IPO8: variants seen among roughly 807,000 people sequenced by gnomAD.
IPO8 encodes the protein importin-8.
Under a neutral mutation model 141.2 loss-of-function variants are expected in IPO8, and 65 were observed. That is an observed-to-expected ratio of 0.46 (90% CI 0.38 to 0.57). The LOEUF (loss-of-function observed/expected upper bound fraction) is 0.57. Ranked by LOEUF, IPO8 falls within the 20% of genes least tolerant of loss-of-function variation. IPO8 has a pLI of 0.00. For missense variants in IPO8, 980 were observed against 1,246.8 expected (o/e 0.79, Z 3.22); for synonymous variants, 411 against 420.3 (o/e 0.98, Z 0.27).
At chr12:30,669,068 G>T in intron 10 of IPO8, 115 bp downstream of exon 10, 1 of 509,060 alleles carries the variant, frequency 2.0e-6, no homozygotes, top group Non-Finnish European at 3.4e-6. Flanking sequence ...ATTATGTCAT[G>T]CAAAACAGAA....
chr12:30,673,491 G>T (rs942875028), intron 8 of IPO8, among the ~76,000 whole-genome samples: 1 of 152,084 alleles, frequency 6.6e-6, no homozygotes. Flanking sequence ...ATTGTTTCAG[G>T]AACTAATTTT....
At chr12:30,676,755 G>T in intron 5 of IPO8, 168 bp from the exon 6 acceptor site, 1 of 768,346 alleles carries the variant, frequency 1.3e-6, no homozygotes, top group East Asian at 2.7e-5. Context: ...CGACCATATA[G>T]AACTTAAATT....
chr12:30,682,279 C>A (rs1312256012), intron 3 of IPO8, among the ~76,000 whole-genome samples: 1 of 152,094 alleles, frequency 6.6e-6, no homozygotes, highest in East Asian at 1.9e-4. Context: ...TCTCTATGGG[C>A]CAAAACCTTG....
At chr12:30,642,817 C>T (rs1045821035) in intron 20 of IPO8, among the ~76,000 whole-genome samples, 7 of 151,952 alleles carry the variant, frequency 4.6e-5, no homozygotes, top group Admixed American at 4.6e-4. Context: ...AGCAAGGAAA[C>T]TACCAAAGAC....
chr12:30,651,378 A>C (rs531051789), intron 19 of IPO8, among the ~76,000 whole-genome samples: 1 of 152,250 alleles, frequency 6.6e-6, no homozygotes, highest in East Asian at 1.9e-4. Flanking sequence ...ACTGATTATC[A>C]GTGCAGAGCT....
In IPO8 at chr12:30,637,433, A is replaced by G. The variant is rs186367386; in HGVS notation, c.2490-246T>C. Among the ~76,000 whole-genome samples the G allele has an allele frequency of 1.4e-4, 22 of 152,314 alleles. No individual in the cohort carries two copies. The East Asian group carries it at 3.7e-3, about 25-fold the overall frequency. The stretch of plus-strand genomic sequence containing the variant: ...GTGAATCTTGCTGTAATATCAATTT[A>G]TGATTAATATAAATGTTATATATGG... On this transcript the variant is annotated intron_variant, in intron 21 of 24. Transcript: ENST00000256079.
Position 30,684,399 on chromosome 12 carries a change from T to C in IPO8, c.225A>G (p.Pro75=), listed in dbSNP as rs757285936. The change falls in exon 3 of 25, where the codon CCA becomes CCG. Residue 75 remains proline (P), a synonymous_variant. Transcript: ENST00000256079. ...TGTTGAATGGAAATATTGCTTCTCCTGGTGGAGGTTCTCGATCTGGCCAGT... is the reference window on the plus strand; with the variant it reads ...TGTTGAATGGAAATATTGCTTCTCCCGGTGGAGGTTCTCGATCTGGCCAGT... ...TQYWPDREPP[P]GEAIFPFNIH... 100 of 1,614,034 alleles carry C rather than the reference T, an allele frequency of 6.2e-5. No homozygotes were observed. In the Middle Eastern group the frequency reaches 6.6e-4, roughly 11 times the overall value.
At chr12:30,642,927 A>T (rs1221035642) in intron 20 of IPO8, among the ~76,000 whole-genome samples, 1 of 152,132 alleles carries the variant, frequency 6.6e-6, no homozygotes, top group Non-Finnish European at 1.5e-5. Flanking sequence ...AAACACATAG[A>T]GTAAATTTGG....
chr12:30,679,390 TA>T (rs1355941503), intron 5 of IPO8, among the ~76,000 whole-genome samples: 1 of 152,202 alleles, frequency 6.6e-6, no homozygotes, highest in African/African-American at 2.4e-5. Flanking sequence ...GTAGAGGCTT[TA>T]GAAAAATTAT....
At position 30,634,198 on chromosome 12, in the gene IPO8, T is replaced by C. The variant is rs891225139; in HGVS notation, c.2784A>G (p.Glu928=). 1.2e-6 allele frequency: 2 copies of C among 1,613,984 alleles called. No homozygotes were observed. ...ATACTTCTTCATCCCAGTCATCATC[T>C]TCCTCCTCCTCATCTTCACCTCTTC... ...NNGRGEDEEE[E]DDDWDEEVLE... The change falls in exon 23 of 25, where the codon GAA becomes GAG. Residue 928 remains glutamate, a synonymous_variant. Transcript: ENST00000256079.
In IPO8 at chr12:30,687,465, T is replaced by C. The variant is rs528024096; in HGVS notation, c.167-3008A>G. ...CCCAGAGACACAACTACAGAATCAATTGGGTTTCATAACCTCAAAGTGGAG... is the reference window on the plus strand; with the variant it reads ...CCCAGAGACACAACTACAGAATCAACTGGGTTTCATAACCTCAAAGTGGAG... On this transcript the variant is annotated intron_variant, in intron 2 of 24. Transcript: ENST00000256079. Among the ~76,000 whole-genome samples, 82 of 152,018 alleles carry C rather than the reference T, an allele frequency of 5.4e-4. No homozygotes were observed. In the South Asian group the frequency reaches 0.015, roughly 27 times the overall value.
chr12:30,672,588 T>TAC (rs1449601932), intron 8 of IPO8, among the ~76,000 whole-genome samples: 1 of 152,174 alleles, frequency 6.6e-6, no homozygotes, highest in African/African-American at 2.4e-5. Flanking sequence ...TATACATGTA[T>TAC]ACACACACAT....
chr12:30,635,060 G>A (rs2052482734), intron 22 of IPO8, among the ~76,000 whole-genome samples: 1 of 152,052 alleles, frequency 6.6e-6, no homozygotes, highest in East Asian at 1.9e-4. Context: ...AAATAAGCCA[G>A]GCACAGAAAG....
Position 30,637,043 on chromosome 12 carries a change from A to G in IPO8, c.2634T>C (p.Thr878=). The G allele has an allele frequency of 6.2e-7, 1 of 1,614,078 alleles. No homozygotes were observed. Among genetic ancestry groups the G allele is most frequent in the South Asian group, 1.1e-5 (1 of 91,082 alleles). Residue 878 remains threonine, a synonymous_variant, in exon 22 of 25, where the codon ACT becomes ACC. Transcript: ENST00000256079. ...LFLGLKQVCA[T]RQLVNREDRS... is the part of the protein sequence containing the mutation. ...GATCTTCCCGGTTTACCAGTTGTCT[A>G]GTAGCACAGACCTGCTTTAGGCCAA...
At chr12:30,681,453 G>A (rs2053187578) in intron 4 of IPO8, among the ~76,000 whole-genome samples, 1 of 152,152 alleles carries the variant, frequency 6.6e-6, no homozygotes, top group African/African-American at 2.4e-5. Context: ...TTATATCACT[G>A]TCTCAGAGGT....
At chr12:30,677,491 CT>C (rs936860309) in intron 5 of IPO8, among the ~76,000 whole-genome samples, 12 of 149,018 alleles carry the variant, frequency 8.1e-5, no homozygotes, top group African/African-American at 9.8e-5. Flanking sequence ...ACTCCTTCTA[CT>C]TTTTTTTTTA....
At chr12:30,640,880 C>T (rs559265616) in intron 20 of IPO8, among the ~76,000 whole-genome samples, 72 of 152,190 alleles carry the variant, frequency 4.7e-4, no homozygotes, top group Admixed American at 2.7e-3. Context: ...ACAAAGAAGC[C>T]ATAAATGTTT....
In IPO8 at chr12:30,680,645, G is replaced by A. The variant is rs1258956021; in HGVS notation, c.483-7C>T. ...CTCTTCTGCTTTCTTATATCTACAT[G>A]AGCAAAGACAAAAACAGAAAAGTAA... On this transcript the variant is annotated splice_region_variant and splice_polypyrimidine_tract_variant and intron_variant, in intron 4 of 24. Coordinates refer to ENST00000256079, the MANE Select transcript of IPO8 (RefSeq NM_006390.4). 2 of 1,592,274 alleles carry A rather than the reference G, an allele frequency of 1.3e-6. No homozygotes were observed. The highest frequency in any genetic ancestry group is 1.7e-6 in the Non-Finnish European group (2 of 1,173,008).
chr12:30,636,781 G>C (rs528657299), intron 22 of IPO8, among the ~76,000 whole-genome samples: 1 of 152,160 alleles, frequency 6.6e-6, no homozygotes, highest in African/African-American at 2.4e-5. Context: ...AGTATATTAG[G>C]TGTCAGAAGG....
Sources: allele counts gnomAD v4.1 joint callset (sites outside exome capture counted in the v4.1 genomes callset), GRCh38; gene constraint gnomAD v4.1.1; transcripts MANE v1.5; gene names NCBI Gene and HGNC (gene_info 2026-07-23, HGNC 2026-07-21).